The following GBP7 variants were observed in gnomAD, a reference collection of about 807,000 sequenced individuals.
GBP7 encodes the protein guanylate-binding protein 7.
Under a neutral mutation model 61.3 loss-of-function variants are expected in GBP7, and 43 were observed. The ratio of observed to expected loss-of-function variants is 0.70; its 90% CI spans 0.55 to 0.91. The LOEUF (loss-of-function observed/expected upper bound fraction) is 0.91, where lower values mean the gene tolerates loss of function less well. GBP7 is among the 40% of genes least tolerant of loss of function. The pLI is 0.00. For missense variants in GBP7, 717 were observed against 740.5 expected (o/e 0.97, Z 0.37); for synonymous variants, 267 against 271.0 (o/e 0.99, Z 0.14).
intron 3 of GBP7, among the ~76,000 whole-genome samples, chr1:89,155,256 A>G (rs930412839): frequency 2.0e-5 from 3 of 152,214 alleles, no homozygotes; most frequent in Non-Finnish European, 4.4e-5. Flanking sequence ...GAGAAACCAG[A>G]GCAGAAAAGC....
At position 89,171,758 on chromosome 1, in the gene GBP7, C is replaced by T; in HGVS notation, c.178G>A (p.Gly60Arg). ...TGGTGCCACTCACCTTTGTTCTTCC[C>T]AGCCAGCTTGTTCATTAGGTAGGAT... ...GKSYLMNKLA[G>R]KNKGFPLGCT... The change falls in exon 2 of 11, where the codon GGG (glycine) becomes AGG (arginine). Residue 60 changes from glycine (G) to arginine (R), a missense_variant. Gly to Arg is a moderately radical substitution (Grantham distance 125, BLOSUM62 -2). Coordinates refer to ENST00000294671, the MANE Select transcript of GBP7 (RefSeq NM_207398.3). 1.2e-6 allele frequency: 2 copies of T among 1,612,792 alleles called. No individual in the cohort carries two copies. Among genetic ancestry groups the T allele is most frequent in the Non-Finnish European group, 1.7e-6 (2 of 1,179,614 alleles).
intron 5 of GBP7, among the ~76,000 whole-genome samples, chr1:89,151,254 A>G (rs554824113): frequency 1.3e-5 from 2 of 152,164 alleles, no homozygotes; most frequent in African/African-American, 4.8e-5. Flanking sequence ...CTCTGTTTCT[A>G]TGTATTTGAC....
intron 2 of GBP7, among the ~76,000 whole-genome samples, chr1:89,166,859 ACT>A (rs1647457727): frequency 6.6e-6 from 1 of 151,874 alleles, no homozygotes. Context: ...TTCTGTGAAG[ACT>A]CTCTCTTGGC....
At chr1:89,136,566 G>A (rs1681807289) in intron 9 of GBP7, among the ~76,000 whole-genome samples, 1 of 152,122 alleles carries the variant, frequency 6.6e-6, no homozygotes, top group Admixed American at 6.5e-5. Flanking sequence ...TGATTTTGGG[G>A]TAAACAGTGA....
At chr1:89,135,547 G>A (rs1681780492) in intron 9 of GBP7, among the ~76,000 whole-genome samples, 1 of 152,004 alleles carries the variant, frequency 6.6e-6, no homozygotes, top group Non-Finnish European at 1.5e-5. Flanking sequence ...CCTATATTCA[G>A]CATTTGTAAA....
chr1:89,141,768 A>G (rs1570343451), intron 8 of GBP7, 120 bp from the exon 9 acceptor site: 2 of 746,486 alleles, frequency 2.7e-6, no homozygotes, highest in East Asian at 5.4e-5. Flanking sequence ...TATTCTTAAG[A>G]TTCCACAGTG....
At chr1:89,141,064 G>C (rs944803979) in intron 9 of GBP7, among the ~76,000 whole-genome samples, 1 of 152,124 alleles carries the variant, frequency 6.6e-6, no homozygotes, top group Non-Finnish European at 1.5e-5. Flanking sequence ...GATGGGAAGA[G>C]GGTAAAGATT....
intron 5 of GBP7, among the ~76,000 whole-genome samples, chr1:89,150,864 C>T (rs190225655): frequency 5.2e-4 from 79 of 152,108 alleles, no homozygotes; most frequent in African/African-American, 1.8e-3. Context: ...TATGATGTCC[C>T]GTAGACTGAC....
intron 8 of GBP7, among the ~76,000 whole-genome samples, chr1:89,143,944 C>A (rs1239873875): frequency 6.6e-6 from 1 of 152,136 alleles, no homozygotes; most frequent in Admixed American, 6.6e-5. Flanking sequence ...TTGCGTGATA[C>A]TGAGGTTTGG....
At chr1:89,135,155 A>G (rs1681769173) in intron 9 of GBP7, among the ~76,000 whole-genome samples, 1 of 152,228 alleles carries the variant, frequency 6.6e-6, no homozygotes, top group South Asian at 2.1e-4. Flanking sequence ...TAAAGAAAAA[A>G]GAATAAAAAA....
Position 89,147,597 on chromosome 1 carries a change from G to A in GBP7, c.1335C>T (p.Asp445=), listed in dbSNP as rs115454072. The A allele has an allele frequency of 0.024, 39,181 of 1,613,784 alleles. 561 individuals carry two copies. The highest frequency in any genetic ancestry group is 0.057 in the Middle Eastern group (343 of 6,062). Residue 445 remains aspartate, a synonymous_variant, in exon 8 of 11, where the codon GAC becomes GAT. Transcript: ENST00000294671. ...YLEAKKKIEQ[D]YTLVPRKGVK... is the part of the protein sequence containing the mutation. ...CTCCTTTTCTGGGCACTAGTGTATAGTCCTGTTCAATCTTCTTTTTTGCTT... is the reference window on the plus strand; with the variant it reads ...CTCCTTTTCTGGGCACTAGTGTATAATCCTGTTCAATCTTCTTTTTTGCTT...
At chr1:89,167,712 T>G (rs1647482364) in intron 2 of GBP7, among the ~76,000 whole-genome samples, 8 of 152,174 alleles carry the variant, frequency 5.3e-5, no homozygotes. Context: ...CTGCCACACT[T>G]AAGAAAATGT....
At chr1:89,174,149 A>G in intron 1 of GBP7, among the ~76,000 whole-genome samples, 1 of 152,200 alleles carries the variant, frequency 6.6e-6, no homozygotes, top group East Asian at 1.9e-4. Context: ...TCTTCAATGT[A>G]TGGGCATTTA....
chr1:89,164,371 A>G (rs776958415), intron 3 of GBP7, among the ~76,000 whole-genome samples: 2 of 152,184 alleles, frequency 1.3e-5, no homozygotes, highest in Non-Finnish European at 2.9e-5. Flanking sequence ...AGCACTCTAA[A>G]TGGTCACAAT....
chr1:89,155,241 A>T lies in GBP7; in HGVS notation c.319-2464T>A, dbSNP rs536087173. On this transcript the variant is annotated intron_variant, in intron 3 of 10. Transcript: ENST00000294671. ...ACCAAAGGTAGATAAAACCACAAAGATGGGGAGAAACCAGAGCAGAAAAGC... is the reference window on the plus strand; with the variant it reads ...ACCAAAGGTAGATAAAACCACAAAGTTGGGGAGAAACCAGAGCAGAAAAGC... 9.5e-4 allele frequency among the ~76,000 whole-genome samples: 145 copies of T among 152,344 alleles called. No individual in the cohort carries two copies. In the South Asian group the frequency reaches 0.016, roughly 17 times the overall value.
chr1:89,169,941 G>T (rs367720777), intron 2 of GBP7, among the ~76,000 whole-genome samples: 11 of 152,188 alleles, frequency 7.2e-5, no homozygotes, highest in African/African-American at 2.4e-4. Flanking sequence ...ATAATCAGCA[G>T]CTTCTGTGCG....
At chr1:89,170,084 C>A (rs1352684307) in intron 2 of GBP7, among the ~76,000 whole-genome samples, 1 of 152,138 alleles carries the variant, frequency 6.6e-6, no homozygotes. Context: ...TACCAGTGAT[C>A]CCTTTTTACA....
intron 3 of GBP7, among the ~76,000 whole-genome samples, chr1:89,163,735 A>G (rs1254115152): frequency 2.0e-5 from 3 of 152,202 alleles, no homozygotes; most frequent in Non-Finnish European, 4.4e-5. Flanking sequence ...GTGTGGGGCT[A>G]GCTCACACTA....
chr1:89,173,956 C>G (rs1455738636), intron 1 of GBP7, among the ~76,000 whole-genome samples: 1 of 152,154 alleles, frequency 6.6e-6, no homozygotes, highest in Non-Finnish European at 1.5e-5. Flanking sequence ...CTGGTTTACG[C>G]TTCTTGGATT....
Sources: allele counts gnomAD v4.1 joint callset (sites outside exome capture counted in the v4.1 genomes callset), GRCh38; gene constraint gnomAD v4.1.1; transcripts MANE v1.5; gene names NCBI Gene and HGNC (gene_info 2026-07-23, HGNC 2026-07-21).